USP50: variants seen among roughly 807,000 people sequenced by gnomAD.
USP50 encodes ubiquitin specific peptidase 50.
In USP50, 37 loss-of-function variants were observed where a neutral mutation model predicts 39.2. The ratio of observed to expected loss-of-function variants is 0.94; its 90% CI spans 0.73 to 1.24. The LOEUF is 1.24. USP50 is among the 50% of genes most tolerant of loss of function. The pLI, the probability that USP50 is intolerant of heterozygous loss-of-function variation, is 0.00. For missense variants in USP50, 374 were observed against 398.2 expected, an observed-to-expected ratio of 0.94 and a Z score of 0.52; for synonymous variants, 139 against 144.5, an observed-to-expected ratio of 0.96 and a Z score of 0.27.
chr15:50,546,386 G>A lies in USP50; in HGVS notation c.53+87C>T. Reference sequence around the variant, plus strand: ...GGGTCACACCTGGGAGAACCCTCCTGAATGCAGTGTGTGTCCCCTGACTCC... The same window carrying A: ...GGGTCACACCTGGGAGAACCCTCCTAAATGCAGTGTGTGTCCCCTGACTCC... On this transcript the variant is annotated intron_variant, in intron 1 of 6. Transcript: ENST00000532404. 1.4e-6 allele frequency: 2 copies of A among 1,415,090 alleles called. 1 individual carries two copies. The highest frequency in any genetic ancestry group is 2.3e-5 in the South Asian group (2 of 86,538). The allele number at this position is 1,415,090 out of a possible 1,614,324, so 87.7% of individuals were successfully genotyped here. A position where few individuals can be genotyped will look rare whatever the true frequency, so the allele number is the denominator to read the frequency against.
intron 6 of USP50, among the ~76,000 whole-genome samples, chr15:50,528,964 G>A (rs1316547785): frequency 1.3e-5 from 2 of 152,130 alleles, no homozygotes; most frequent in African/African-American, 2.4e-5. Flanking sequence ...CGTTAACACC[G>A]TGATCCAGAA....
intron 6 of USP50, among the ~76,000 whole-genome samples, chr15:50,514,814 C>T (rs2052787118): frequency 6.6e-6 from 1 of 151,828 alleles, no homozygotes; most frequent in African/African-American, 2.4e-5. Flanking sequence ...AGGCGTGAGC[C>T]ACCACCCCTG....
At chr15:50,538,618 A>G (rs2053002251) in intron 5 of USP50, 91 bp downstream of exon 5, 11 of 1,296,936 alleles carry the variant, frequency 8.5e-6, no homozygotes, top group Admixed American at 2.9e-5. Context: ...ATTGAATTGT[A>G]TACTCTAAAT....
intron 6 of USP50, chr15:50,501,916 A>G (rs1038776227): frequency 6.6e-6 from 1 of 152,142 alleles, no homozygotes. Flanking sequence ...AATGTCCTTA[A>G]AGTTTTATGG....
At chr15:50,501,466 CCT>C (rs1431895913) in intron 6 of USP50, 1 of 151,566 alleles carries the variant, frequency 6.6e-6, no homozygotes, top group African/African-American at 2.4e-5. Flanking sequence ...AGAGTGAGAC[CCT>C]GTCTTAAAAT....
At chr15:50,499,933 T>TTAAAG (rs1217406142), downstream of USP50, 9 of 152,114 alleles carry the variant, frequency 5.9e-5, no homozygotes, top group Non-Finnish European at 7.4e-5. Context: ...ATTCTAAATA[T>TTAAAG]TAAAGTAAAA....
Position 50,546,608 on chromosome 15 carries a change from C to G in USP50, c.-83G>C, listed in dbSNP as rs140893443. The G allele has an allele frequency of 6.6e-7, 1 of 1,516,366 alleles. No homozygotes were observed. The highest frequency in any genetic ancestry group is 1.4e-5 in the African/African-American group (1 of 72,996). 93.9% of individuals were successfully genotyped at this position (1,516,366 alleles called of 1,614,324 possible). On this transcript the variant is annotated 5_prime_UTR_variant, in exon 1 of 7. Coordinates refer to ENST00000532404, the MANE Select transcript of USP50 (RefSeq NM_203494.5). ...AACTTCATTTCTCTGAGCCTGTTAA[C>G]GCTGGCTTTTTGTTTTAAACAATTG...
chr15:50,531,752 T>C (rs1266321140), intron 5 of USP50, among the ~76,000 whole-genome samples: 1 of 152,180 alleles, frequency 6.6e-6, no homozygotes, highest in Non-Finnish European at 1.5e-5. Context: ...TTGAACAATT[T>C]GAACACCAAA....
At chr15:50,493,540 G>T (rs2052260115), downstream of USP50, 1 of 511,898 alleles carries the variant, frequency 2.0e-6, no homozygotes, top group Non-Finnish European at 3.9e-6. Context: ...ATCACTTGGG[G>T]CCCAGGAGTT....
chr15:50,506,957 C>CAAAAAAAAAA lies in USP50; in HGVS notation c.937-6130_937-6121dup, dbSNP rs58329541. The CAAAAAAAAAA allele has an allele frequency of 6.1e-4, 28 of 46,226 alleles. 1 individual carries two copies. Among genetic ancestry groups the CAAAAAAAAAA allele is most frequent in the African/African-American group, 2.7e-3 (28 of 10,550 alleles). 2.9% of individuals were successfully genotyped at this position (46,226 alleles called of 1,614,324 possible). On this transcript the variant is annotated intron_variant, in intron 6 of 6. Coordinates refer to ENST00000532404, the MANE Select transcript of USP50 (RefSeq NM_203494.5). ...TGGGCGACAGAGCGAGACTTCATCT[C>CAAAAAAAAAA]AAAAAAAAAAAAAAAAAAAAAAAAA...
chr15:50,494,341 T>A, intron 1 of USP50: 1 of 1,407,168 alleles, frequency 7.1e-7, no homozygotes, highest in South Asian at 1.4e-5. Flanking sequence ...TAGCACTGTA[T>A]TTTTATAGCA....
chr15:50,545,658 T>C (rs1470937092), intron 1 of USP50, among the ~76,000 whole-genome samples: 2 of 151,832 alleles, frequency 1.3e-5, no homozygotes, highest in Admixed American at 1.3e-4. Flanking sequence ...AGCACACATA[T>C]GTGTATATGT....
At chr15:50,546,327 G>T in intron 1 of USP50, 146 bp downstream of exon 1, 1 of 749,526 alleles carries the variant, frequency 1.3e-6, no homozygotes, top group Non-Finnish European at 2.3e-6. Flanking sequence ...AAGATATTAG[G>T]TACAATCTTC....
chr15:50,525,599 T>TGTATATAC (rs2052886177), intron 6 of USP50, among the ~76,000 whole-genome samples: 1 of 145,010 alleles, frequency 6.9e-6, no homozygotes, highest in Admixed American at 7.2e-5. Context: ...TATGTATATA[T>TGTATATAC]GTATATGTAT....
intron 6 of USP50, among the ~76,000 whole-genome samples, chr15:50,519,989 T>G (rs2052836097): frequency 6.6e-6 from 1 of 152,040 alleles, no homozygotes; most frequent in African/African-American, 2.4e-5. Context: ...TCATGTTTAT[T>G]GCAGCACTAT....
intron 6 of USP50, chr15:50,509,014 G>C (rs2052701286): frequency 6.8e-6 from 1 of 147,420 alleles, no homozygotes. Context: ...GGCGCCTGTA[G>C]TCCCAGCTAC....
chr15:50,532,990 T>C (rs750100291), intron 5 of USP50, among the ~76,000 whole-genome samples: 71 of 151,682 alleles, frequency 4.7e-4, no homozygotes, highest in Admixed American at 7.9e-4. Context: ...GTAGAAACTT[T>C]TAAAACTGAA....
rs1490537415 is a variant in USP50, at chr15:50,546,486, T to G, written c.40A>C (p.Ile14Leu). The stretch of plus-strand genomic sequence containing the variant: ...ATCAAGGCTCACAGGACGTGGTAGA[T>G]ATCGAAGTCATCTGCAGGGAGAGAC... The part of the protein sequence containing the change: ...QPSLPADDFD[I>L]YHVLAECTDY... Residue 14 changes from isoleucine (I) to leucine (L), a missense_variant, in exon 1 of 7, where the codon ATC becomes CTC. Ile to Leu is a conservative substitution (Grantham distance 5). Transcript: ENST00000532404. 1.2e-6 allele frequency: 2 copies of G among 1,613,592 alleles called. No homozygotes were observed. Among genetic ancestry groups the G allele is most frequent in the African/African-American group, 1.3e-5 (1 of 74,942 alleles).
At chr15:50,501,282 A>C (rs2052582410) in intron 6 of USP50, 1 of 148,668 alleles carries the variant, frequency 6.7e-6, no homozygotes, top group Non-Finnish European at 1.5e-5. Context: ...CAAAATAGCG[A>C]GACTCCATAT....
Sources: gnomAD v4.1 joint callset for allele counts (sites outside exome capture counted in the v4.1 genomes callset) on GRCh38, gnomAD v4.1.1 for gene constraint, MANE v1.5 for transcripts, NCBI Gene and HGNC (gene_info 2026-07-23, HGNC 2026-07-21) for gene names.